ENOX2: variants seen among roughly 807,000 people sequenced by gnomAD.
ENOX2 encodes ecto-NOX disulfide-thiol exchanger 2, also known as APK1 antigen.
Under a neutral mutation model 45.0 loss-of-function variants are expected in ENOX2, and 36 were observed. The ratio of observed to expected loss-of-function variants is 0.80; its 90% CI spans 0.61 to 1.06. The LOEUF (loss-of-function observed/expected upper bound fraction) is 1.06, where lower values mean the gene tolerates loss of function less well. Among genes scored for constraint, ENOX2 ranks in the 50% least tolerant of loss-of-function variants. ENOX2 has a pLI of 0.00. For missense variants in ENOX2, 423 were observed against 462.5 expected, an observed-to-expected ratio of 0.91 and a Z score of 0.78; for synonymous variants, 174 against 152.3, an observed-to-expected ratio of 1.14 and a Z score of -1.05.
At chrX:130,691,179 G>T (rs976735961) in intron 4 of ENOX2, among the ~76,000 whole-genome samples, 10 of 110,121 alleles carry the variant, frequency 9.1e-5, no homozygotes, top group African/African-American at 3.0e-4. Flanking sequence ...TGGTAAAAGT[G>T]GGGGGTTAAT....
At position 130,837,571 on chromosome X, in the gene ENOX2, A is replaced by C. The variant is rs751095503; in HGVS notation, c.-182-53881T>G. Among the ~76,000 whole-genome samples the C allele has an allele frequency of 2.7e-5, 3 of 111,699 alleles. No homozygotes were observed. In the Admixed American group the frequency reaches 2.8e-4, roughly 11 times the overall value. On this transcript the variant is annotated intron_variant, in intron 2 of 14. Transcript: ENST00000394363. ...TCAGGACTGGAAAAGTCCTTGCTTC[A>C]TAAGAACACCCATTCCACCGCCAGA...
At chrX:130,891,312 A>T (rs2078978379) in intron 2 of ENOX2, among the ~76,000 whole-genome samples, 1 of 109,459 alleles carries the variant, frequency 9.1e-6, no homozygotes, top group Admixed American at 9.9e-5. Context: ...CCTCAAAAAA[A>T]TGTTTCAGGA....
At chrX:130,694,238 T>G (rs2148195935) in intron 4 of ENOX2, among the ~76,000 whole-genome samples, 1 of 112,047 alleles carries the variant, frequency 8.9e-6, no homozygotes, top group African/African-American at 3.2e-5. Context: ...ATGTGATTGG[T>G]TAATAGAGTT....
intron 3 of ENOX2, among the ~76,000 whole-genome samples, chrX:130,754,532 T>C (rs996001165): frequency 1.8e-5 from 2 of 111,825 alleles, no homozygotes; most frequent in South Asian, 7.4e-4. Flanking sequence ...GTGGTACATA[T>C]ACACTGTGGA....
At chrX:130,833,052 CACAA>C (rs1173538245) in intron 2 of ENOX2, among the ~76,000 whole-genome samples, 2 of 106,077 alleles carry the variant, frequency 1.9e-5, no homozygotes, top group African/African-American at 3.4e-5. Context: ...CACACACACA[CACAA>C]ACAGCACTGA....
chrX:130,715,156 G>A (rs1056761381), intron 3 of ENOX2, among the ~76,000 whole-genome samples: 2 of 111,689 alleles, frequency 1.8e-5, no homozygotes, highest in African/African-American at 6.5e-5. Context: ...GACTCTGAGA[G>A]GATGGGTGTT....
At chrX:130,883,924 T>G (rs764068427) in intron 2 of ENOX2, among the ~76,000 whole-genome samples, 2 of 112,544 alleles carry the variant, frequency 1.8e-5, no homozygotes, top group Non-Finnish European at 3.8e-5. Flanking sequence ...AATGTCAATT[T>G]CTTTAAAAGC....
chrX:130,696,372 G>A (rs935327180), intron 4 of ENOX2, among the ~76,000 whole-genome samples: 2 of 111,462 alleles, frequency 1.8e-5, no homozygotes, highest in Admixed American at 9.5e-5. Flanking sequence ...GGGCATTAGT[G>A]AGGACATTTC....
rs141080916 is a variant in ENOX2 at position 130,704,027 on chromosome X, A to T, written c.-38-773T>A. Among the ~76,000 whole-genome samples, 560 of 111,980 alleles carry T rather than the reference A, an allele frequency of 5.0e-3. 3 individuals carry two copies. Among genetic ancestry groups the T allele is most frequent in the African/African-American group, 0.017 (535 of 30,831 alleles). On this transcript the variant is annotated intron_variant, in intron 3 of 14. Transcript: ENST00000394363. ...ATTTAACTTTCAGAACAGCCCTATG[A>T]GGTAGGGACTATTTATATCTCCATT...
chrX:130,705,414 T>C (rs1182579636), intron 3 of ENOX2, among the ~76,000 whole-genome samples: 1 of 111,960 alleles, frequency 8.9e-6, no homozygotes, highest in Non-Finnish European at 1.9e-5. Context: ...AATTACAATT[T>C]TGAAGGAAAA....
intron 10 of ENOX2, among the ~76,000 whole-genome samples, chrX:130,652,840 C>G (rs2036440702): frequency 8.9e-6 from 1 of 112,101 alleles, no homozygotes; most frequent in Non-Finnish European, 1.9e-5. Context: ...CAAGGAACAT[C>G]AAAGATTGCT....
At position 130,842,051 on chromosome X, in the gene ENOX2, C is replaced by T. The variant is rs751162772; in HGVS notation, c.-182-58361G>A. Among the ~76,000 whole-genome samples the T allele has an allele frequency of 3.6e-5, 4 of 112,560 alleles. No homozygotes were observed. In the South Asian group the frequency reaches 1.5e-3, roughly 42 times the overall value. ...CTTAACTAAGGTTCACACATGCAAA[C>T]ATAAAGCCCCCATAATTACTAAGTT... On this transcript the variant is annotated intron_variant, in intron 2 of 14. Transcript: ENST00000394363.
chrX:130,641,632 G>A lies in ENOX2; in HGVS notation c.1130-4222C>T, dbSNP rs1333452684. On this transcript the variant is annotated intron_variant, in intron 10 of 14. Coordinates refer to ENST00000394363, the MANE Select transcript of ENOX2 (RefSeq NM_006375.4). ...CTCAGGAGGCTGAGGCAGGATAATCGTTTGAATCTGGGAGGTGGAGGTTGC... is the reference window on the plus strand; with the variant it reads ...CTCAGGAGGCTGAGGCAGGATAATCATTTGAATCTGGGAGGTGGAGGTTGC... Among the ~76,000 whole-genome samples, 3 of 101,904 alleles carry A rather than the reference G, an allele frequency of 2.9e-5. 1 individual carries two copies. The highest frequency in any genetic ancestry group is 7.3e-5 in the African/African-American group (2 of 27,436). The allele number at this position is 101,904 out of a possible 115,157, so 88.5% of individuals were successfully genotyped here.
intron 3 of ENOX2, among the ~76,000 whole-genome samples, chrX:130,773,622 T>C (rs1261672421): frequency 8.9e-6 from 1 of 111,839 alleles, no homozygotes; most frequent in Non-Finnish European, 1.9e-5. Context: ...GAATGCCACC[T>C]GCTGAAACCT....
intron 13 of ENOX2, 92 bp downstream of exon 13, chrX:130,631,376 C>T: frequency 1.9e-6 from 1 of 526,624 alleles, no homozygotes; most frequent in Non-Finnish European, 3.4e-6. Flanking sequence ...TTCATAAATG[C>T]TTGGCATGTG....
At chrX:130,855,120 C>A (rs1005779254) in intron 2 of ENOX2, among the ~76,000 whole-genome samples, 1 of 111,392 alleles carries the variant, frequency 9.0e-6, no homozygotes, top group Non-Finnish European at 1.9e-5. Flanking sequence ...AAATAAAGTT[C>A]ACTCTATTTG....
intron 3 of ENOX2, among the ~76,000 whole-genome samples, chrX:130,713,982 G>GA (rs1057090424): frequency 9.0e-6 from 1 of 110,829 alleles, no homozygotes; most frequent in Non-Finnish European, 1.9e-5. Context: ...GGTGGAGAAA[G>GA]AAAAAAACAG....
intron 10 of ENOX2, among the ~76,000 whole-genome samples, chrX:130,654,302 CAAAT>C (rs1160426573): frequency 9.0e-6 from 1 of 111,421 alleles, no homozygotes; most frequent in Non-Finnish European, 1.9e-5. Context: ...TAGAGTCTCT[CAAAT>C]AACAGAAATT....
Position 130,670,107 on chromosome X carries a change from C to A in ENOX2, c.552G>T (p.Glu184Asp). 8.3e-7 allele frequency: 1 copy of A among 1,210,747 alleles called. No homozygotes were observed. ...CTAGCATACGCTGTTTACACTCCCA[C>A]TCATACAGGTCATCTCGAGCCTGTG... ...DFAQARDDLY[E>D]WECKQRMLAR... Residue 184 changes from glutamate to aspartate, a missense_variant, in exon 7 of 15, where the codon GAG becomes GAT. Glu to Asp is a conservative substitution (Grantham distance 45). This residue lies in a region of ENOX2 where 261 missense variants were observed against 306.8 expected (regional missense o/e 0.85). Transcript: ENST00000394363.
Sources: allele counts gnomAD v4.1 joint callset (sites outside exome capture counted in the v4.1 genomes callset), GRCh38; gene constraint gnomAD v4.1.1; regional missense constraint gnomAD v4.1.1; transcripts MANE v1.5; gene names NCBI Gene and HGNC (gene_info 2026-07-23, HGNC 2026-07-21).